Variants in FBXO31 observed in about 807,000 individuals in gnomAD.
The protein encoded by FBXO31 is F-box protein 31, also known as F-box only protein 31.
Under a neutral mutation model 54.4 loss-of-function variants are expected in FBXO31, and 24 were observed. That is an observed-to-expected ratio of 0.44 (90% CI 0.32 to 0.62). FBXO31 has a LOEUF of 0.62. FBXO31 is among the 20% of genes least tolerant of loss of function. The pLI is 0.05. For missense variants in FBXO31, 665 were observed against 787.1 expected (o/e 0.84, Z 1.86); for synonymous variants, 388 against 335.6 (o/e 1.16, Z -1.71).
chr16:87,343,033 C>G, intron 4 of FBXO31, 82 bp from the exon 5 acceptor site: 1 of 1,206,844 alleles, frequency 8.3e-7, no homozygotes, highest in Non-Finnish European at 1.2e-6. Context: ...CAGGTGGCCA[C>G]GACCCCTCCC....
chr16:87,350,645 T>C (rs1356357852), intron 2 of FBXO31, among the ~76,000 whole-genome samples: 2 of 152,072 alleles, frequency 1.3e-5, no homozygotes, highest in Non-Finnish European at 2.9e-5. Context: ...GGCGGCTGGG[T>C]GATAACAAAA....
At chr16:87,357,618 A>G (rs1905954057) in intron 2 of FBXO31, among the ~76,000 whole-genome samples, 1 of 151,668 alleles carries the variant, frequency 6.6e-6, no homozygotes, top group Admixed American at 6.6e-5. Context: ...ATTAGCCACC[A>G]TGTCTGGCCA....
rs890606717 is a variant in FBXO31, at chr16:87,358,826, A to AGGGCAGGTGTCC, written c.412+1457_412+1468dup. On this transcript the variant is annotated intron_variant, in intron 2 of 8. Coordinates refer to ENST00000311635, the MANE Select transcript of FBXO31 (RefSeq NM_024735.5). The surrounding 1 kb of genome is among the most constrained non-coding windows in gnomAD (Gnocchi z 4.0). ...AGCTCACTGGGGCTCAGGAGGTGGG[A>AGGGCAGGTGTCC]GGGCAGGTGTCCTGGCAGGTGAGCA... is the stretch of plus-strand genomic sequence containing the variant. Among the ~76,000 whole-genome samples the AGGGCAGGTGTCC allele has an allele frequency of 2.4e-4, 37 of 152,216 alleles. No individual in the cohort carries two copies. The highest frequency in any genetic ancestry group is 2.2e-3 in the Admixed American group (33 of 15,280).
At position 87,336,368 on chromosome 16, in the gene FBXO31, C is replaced by T; in HGVS notation, c.733-104G>A. 3.1e-6 allele frequency: 3 copies of T among 972,684 alleles called. No individual in the cohort carries two copies. The highest frequency in any genetic ancestry group is 1.6e-5 in the African/African-American group (1 of 62,522). 60.3% of individuals were successfully genotyped at this position (972,684 alleles called of 1,614,324 possible). ...CACAGTGTGTCCTTCTTTGTCAGTGCACAGGCACCTGCAGGGCCCTCTTGG... is the reference window on the plus strand; with the variant it reads ...CACAGTGTGTCCTTCTTTGTCAGTGTACAGGCACCTGCAGGGCCCTCTTGG... On this transcript the variant is annotated intron_variant, in intron 5 of 8. Coordinates refer to ENST00000311635, the MANE Select transcript of FBXO31 (RefSeq NM_024735.5). This position sits in a 1 kb window ranked among gnomAD's most constrained non-coding sequence, Gnocchi z 6.5.
At chr16:87,352,321 G>C (rs1245492359) in intron 2 of FBXO31, among the ~76,000 whole-genome samples, 3 of 152,040 alleles carry the variant, frequency 2.0e-5, no homozygotes. Context: ...TTAAATAGAT[G>C]ATTTAAAAGA....
chr16:87,344,571 A>T lies in FBXO31; in HGVS notation c.490-806T>A, dbSNP rs138365824. On this transcript the variant is annotated intron_variant, in intron 3 of 8. Coordinates refer to ENST00000311635, the MANE Select transcript of FBXO31 (RefSeq NM_024735.5). The stretch of plus-strand genomic sequence containing the variant: ...TTCTGTGGCTCACGAGCCTGGGTCA[A>T]GCGTGAGCTGGTGCTGTTCTCTCAC... 4.7e-3 allele frequency among the ~76,000 whole-genome samples: 712 copies of T among 152,260 alleles called. 5 individuals carry two copies. Among genetic ancestry groups the T allele is most frequent in the African/African-American group, 0.017 (687 of 41,536 alleles).
chr16:87,385,115 T>C (rs943889285), upstream of FBXO31, among the ~76,000 whole-genome samples: 2 of 149,312 alleles, frequency 1.3e-5, no homozygotes, highest in East Asian at 2.0e-4. Flanking sequence ...AGCCCAGGAG[T>C]CGGAGACCAG....
chr16:87,383,757 C>T lies in FBXO31; in HGVS notation c.-13G>A. ...CACACACCGCCATGCCGCCCAGTGA[C>T]GGCCACTGCTGCCGCCTGTGCGCAC... On this transcript the variant is annotated 5_prime_UTR_variant, in exon 1 of 9. Coordinates refer to ENST00000311635, the MANE Select transcript of FBXO31 (RefSeq NM_024735.5). The surrounding 1 kb of genome is among the most constrained non-coding windows in gnomAD (Gnocchi z 4.9). 8.3e-7 allele frequency: 1 copy of T among 1,198,304 alleles called. No individual in the cohort carries two copies. Among genetic ancestry groups the T allele is most frequent in the Non-Finnish European group, 1.0e-6 (1 of 968,546 alleles). The allele number at this position is 1,198,304 out of a possible 1,614,324, so 74.2% of individuals were successfully genotyped here.
upstream of FBXO31, among the ~76,000 whole-genome samples, chr16:87,390,719 C>A (rs1318656260): frequency 2.6e-5 from 4 of 152,096 alleles, no homozygotes; most frequent in South Asian, 4.1e-4. Context: ...GAATTACAGG[C>A]ATGAGTCGCC....
rs567732365 is a variant in FBXO31 at position 87,338,356 on chromosome 16, G to A, written c.733-2092C>T. Among the ~76,000 whole-genome samples, 350 of 152,276 alleles carry A rather than the reference G, an allele frequency of 2.3e-3. No homozygotes were observed. Among genetic ancestry groups the A allele is most frequent in the Non-Finnish European group, 3.7e-3 (252 of 68,018 alleles). On this transcript the variant is annotated intron_variant, in intron 5 of 8. Transcript: ENST00000311635. The surrounding 1 kb of genome is among the most constrained non-coding windows in gnomAD (Gnocchi z 4.3). ...CCTCGTGGCAGCGCCGGCAGAGGGG[G>A]CTGAGGGTGACAAGGATGCCTGCTG...
At chr16:87,365,123 T>C (rs1171043748) in intron 1 of FBXO31, among the ~76,000 whole-genome samples, 1 of 146,310 alleles carries the variant, frequency 6.8e-6, no homozygotes, top group Non-Finnish European at 1.5e-5. Flanking sequence ...AAAACCAATT[T>C]GCTTTAAGGC....
At chr16:87,356,002 C>T (rs1005313594) in intron 2 of FBXO31, among the ~76,000 whole-genome samples, 3 of 152,072 alleles carry the variant, frequency 2.0e-5, no homozygotes, top group Non-Finnish European at 2.9e-5. Context: ...AAAGCCCTTG[C>T]CCAATCACCT....
intron 1 of FBXO31, among the ~76,000 whole-genome samples, chr16:87,379,872 G>A (rs1055928755): frequency 1.3e-5 from 2 of 151,734 alleles, no homozygotes; most frequent in African/African-American, 2.4e-5. Flanking sequence ...ACAGGTGTGA[G>A]CCACTGCGCC....
At chr16:87,334,569 C>T (rs949523077) in intron 7 of FBXO31, among the ~76,000 whole-genome samples, 3 of 152,244 alleles carry the variant, frequency 2.0e-5, no homozygotes, top group Non-Finnish European at 2.9e-5. Flanking sequence ...AAGGGGGCAG[C>T]CCACATCTGT....
At chr16:87,343,174 G>T (rs937114743) in intron 4 of FBXO31, among the ~76,000 whole-genome samples, 4 of 152,226 alleles carry the variant, frequency 2.6e-5, no homozygotes, top group Admixed American at 1.3e-4. Context: ...AGAGAGTGGC[G>T]TTTGCATTTC....
rs908814654 is a variant in FBXO31 at position 87,383,656 on chromosome 16, G to C, written c.89C>G (p.Ala30Gly). Residue 30 changes from alanine to glycine, a missense_variant, in exon 1 of 9, where the codon GCG (alanine) becomes GGG (glycine). Ala to Gly is a moderately conservative substitution (Grantham distance 60). Coordinates refer to ENST00000311635, the MANE Select transcript of FBXO31 (RefSeq NM_024735.5). The surrounding 1 kb of genome is among the most constrained non-coding windows in gnomAD (Gnocchi z 4.9). ...QQRRGPAETA[A>G]ADSEPDTDPE... ...GTCTGTGTCCGGCTCGCTGTCGGCCGCCGCCGTCTCGGCCGGGCCCCGGCG... is the reference window on the plus strand; with the variant it reads ...GTCTGTGTCCGGCTCGCTGTCGGCCCCCGCCGTCTCGGCCGGGCCCCGGCG... 13 of 1,334,204 alleles carry C rather than the reference G, an allele frequency of 9.7e-6. No homozygotes were observed. The African/African-American group carries it at 1.5e-4, about 16-fold the overall frequency. 82.6% of individuals were successfully genotyped at this position (1,334,204 alleles called of 1,614,324 possible).
intron 2 of FBXO31, among the ~76,000 whole-genome samples, chr16:87,348,911 C>T (rs755241959): frequency 3.3e-5 from 5 of 152,184 alleles, no homozygotes; most frequent in South Asian, 2.1e-4. Context: ...GGGAGTACAC[C>T]GGAATCCAGC....
At chr16:87,353,797 G>T (rs1306358485) in intron 2 of FBXO31, among the ~76,000 whole-genome samples, 1 of 152,062 alleles carries the variant, frequency 6.6e-6, no homozygotes, top group African/African-American at 2.4e-5. Context: ...AGACCCTTCG[G>T]CGGGAGCAGG....
intron 2 of FBXO31, among the ~76,000 whole-genome samples, chr16:87,359,392 A>C (rs1221591809): frequency 1.3e-5 from 2 of 152,180 alleles, no homozygotes; most frequent in Non-Finnish European, 2.9e-5. Flanking sequence ...AGCTGGAAGG[A>C]GCATCCATGT....
Sources: allele counts gnomAD v4.1 joint callset (sites outside exome capture counted in the v4.1 genomes callset), GRCh38; gene constraint gnomAD v4.1.1; non-coding constraint Gnocchi (gnomAD v3.1); transcripts MANE v1.5; gene names NCBI Gene and HGNC (gene_info 2026-07-23, HGNC 2026-07-21).